Variants in SVEP1 observed in about 807,000 individuals in gnomAD.
The protein encoded by SVEP1 is sushi, von Willebrand factor type A, EGF and pentraxin domain-containing protein 1.
Under a neutral mutation model 367.3 loss-of-function variants are expected in SVEP1, and 164 were observed. The ratio of observed to expected loss-of-function variants is 0.45; its 90% CI spans 0.39 to 0.51. The LOEUF (loss-of-function observed/expected upper bound fraction) is 0.51, where lower values mean the gene tolerates loss of function less well. Among genes scored for constraint, SVEP1 ranks in the 20% least tolerant of loss-of-function variants. The probability of loss-of-function intolerance (pLI) is 0.00; values close to 1 mark genes in which losing one functional copy is unlikely to be tolerated. For missense variants in SVEP1, 4,117 were observed against 4,425.3 expected, an observed-to-expected ratio of 0.93 and a Z score of 1.98; for synonymous variants, 1,666 against 1,611.6, an observed-to-expected ratio of 1.03 and a Z score of -0.81.
intron 3 of SVEP1, 100 bp from the exon 4 acceptor site, chr9:110,514,206 G>C (rs1644149973): frequency 6.8e-7 from 1 of 1,462,162 alleles, no homozygotes; most frequent in African/African-American, 1.4e-5. Flanking sequence ...CCAAACAATA[G>C]TTTTCCATAG....
In SVEP1 at chr9:110,481,340, C is replaced by A. The variant is rs753225446; in HGVS notation, c.2267G>T (p.Gly756Val). 2.3e-5 allele frequency: 37 copies of A among 1,611,204 alleles called. No homozygotes were observed. Among genetic ancestry groups the A allele is most frequent in the Non-Finnish European group, 3.1e-5 (37 of 1,178,694 alleles). The change falls in exon 12 of 48, where the codon GGC becomes GTC. Residue 756 changes from glycine to valine, a missense_variant. By Grantham distance (109) the Gly-to-Val change is moderately radical. Transcript: ENST00000374469. Reference sequence around the variant, plus strand: ...AGTAGACCCTTCTGTGAAATCATAGCCCTCCAAGCAAGTTAATGTACAGTT... The same window carrying A: ...AGTAGACCCTTCTGTGAAATCATAGACCTCCAAGCAAGTTAATGTACAGTT... ...GVNCTLTCLEGYDFTEGSTDK... is the reference protein window; with the variant it reads ...GVNCTLTCLEVYDFTEGSTDK...
At chr9:110,463,851 C>T (rs538177795) in intron 18 of SVEP1, among the ~76,000 whole-genome samples, 36 of 152,132 alleles carry the variant, frequency 2.4e-4, no homozygotes, top group African/African-American at 8.4e-4. Flanking sequence ...TATCCAGCAC[C>T]GCAGAAGAAT....
intron 36 of SVEP1, among the ~76,000 whole-genome samples, chr9:110,424,862 C>A (rs1828228485): frequency 6.6e-6 from 1 of 152,154 alleles, no homozygotes; most frequent in Non-Finnish European, 1.5e-5. Context: ...CTAGTGGAGA[C>A]AGGGTTTCAC....
intron 5 of SVEP1, among the ~76,000 whole-genome samples, chr9:110,510,794 G>A (rs1268435602): frequency 6.6e-6 from 1 of 152,188 alleles, no homozygotes; most frequent in African/African-American, 2.4e-5. Context: ...GGAAGAAGGG[G>A]TAAAGATTTT....
intron 27 of SVEP1, chr9:110,442,742 C>A (rs960135627): frequency 6.6e-6 from 1 of 152,040 alleles, no homozygotes; most frequent in Non-Finnish European, 1.5e-5. Flanking sequence ...GGATTACAGG[C>A]GTGAGCCACC....
chr9:110,447,003 T>G lies in SVEP1; in HGVS notation c.4158A>C (p.Glu1386Asp). Residue 1386 changes from glutamate (E) to aspartate (D), a missense_variant, in exon 25 of 48, where the codon GAA (glutamate) becomes GAC (aspartate). Physicochemically the swap from Glu to Asp is conservative, Grantham distance 45 (BLOSUM62 2). Around this residue, in one of 4 missense-constraint regions of SVEP1, gnomAD observed 2,174 missense variants for 2,494.3 expected, o/e 0.87. Coordinates refer to ENST00000374469, the MANE Select transcript of SVEP1 (RefSeq NM_153366.4). ...TGSHCELNIN[E>D]CQSNPCRNQA... is the part of the protein sequence containing the mutation. ...GATTTCTACATGGATTAGACTGACATTCATTGATGTTCAATTCACAGTGTG... is the reference window on the plus strand; with the variant it reads ...GATTTCTACATGGATTAGACTGACAGTCATTGATGTTCAATTCACAGTGTG... 6.5e-7 allele frequency: 1 copy of G among 1,543,700 alleles called. No individual in the cohort carries two copies. Among genetic ancestry groups the G allele is most frequent in the East Asian group, 2.5e-5 (1 of 40,726 alleles).
intron 27 of SVEP1, among the ~76,000 whole-genome samples, chr9:110,440,820 T>G (rs1426290612): frequency 1.3e-5 from 2 of 152,142 alleles, no homozygotes; most frequent in African/African-American, 4.8e-5. Flanking sequence ...CCATTCTGAG[T>G]GCTACAGCTT....
intron 1 of SVEP1, among the ~76,000 whole-genome samples, chr9:110,550,478 TTATCTATC>T (rs10550734): frequency 0.037 from 5,565 of 148,912 alleles, 125 homozygotes; most frequent in Non-Finnish European, 0.048. Flanking sequence ...ATTCCACAAA[TTATCTATC>T]TATCTATCTA....
chr9:110,423,847 G>T (rs1199096649), intron 36 of SVEP1, among the ~76,000 whole-genome samples: 2 of 152,116 alleles, frequency 1.3e-5, no homozygotes, highest in Non-Finnish European at 2.9e-5. Context: ...TAAGAAATAT[G>T]CACTTTCAAT....
chr9:110,414,102 G>C (rs1828083536), intron 36 of SVEP1, among the ~76,000 whole-genome samples: 1 of 152,014 alleles, frequency 6.6e-6, no homozygotes, highest in African/African-American at 2.4e-5. Flanking sequence ...AAGAAGGTTA[G>C]ATCATACTTT....
chr9:110,547,299 T>C (rs1830232451), intron 2 of SVEP1, among the ~76,000 whole-genome samples: 1 of 152,194 alleles, frequency 6.6e-6, no homozygotes, highest in African/African-American at 2.4e-5. Context: ...GACTCAGCTC[T>C]GAGACACTGG....
chr9:110,449,916 G>A (rs1001871345), intron 24 of SVEP1, 143 bp downstream of exon 24: 4 of 942,542 alleles, frequency 4.2e-6, no homozygotes, highest in Non-Finnish European at 6.4e-6. Context: ...ATGGCGGTGG[G>A]AATATTCAGC....
intron 45 of SVEP1, 47 bp downstream of exon 45, chr9:110,377,224 C>T: frequency 6.3e-7 from 1 of 1,574,924 alleles, no homozygotes; most frequent in Non-Finnish European, 8.7e-7. Context: ...GTGGGAGCAT[C>T]CAGGCAATTT....
chr9:110,555,980 A>G (rs138052134), intron 1 of SVEP1, among the ~76,000 whole-genome samples: 2 of 152,240 alleles, frequency 1.3e-5, no homozygotes, highest in African/African-American at 2.4e-5. Flanking sequence ...AATAGTTTAC[A>G]TCATCTGCTA....
At chr9:110,396,356 G>A (rs201441098) in intron 40 of SVEP1, among the ~76,000 whole-genome samples, 2 of 151,850 alleles carry the variant, frequency 1.3e-5, no homozygotes, top group African/African-American at 4.8e-5. Flanking sequence ...GCAGTGTGTA[G>A]AGGGAAATTT....
At chr9:110,394,494 T>A (rs1827725557) in intron 40 of SVEP1, among the ~76,000 whole-genome samples, 1 of 152,174 alleles carries the variant, frequency 6.6e-6, no homozygotes, top group South Asian at 2.1e-4. Flanking sequence ...AGAACAAAGC[T>A]GGACAGAGAA....
At chr9:110,373,631 T>TTTTTTTTTTTTTTTTTTTTTTTTTTTG (rs1564121570) in intron 46 of SVEP1, among the ~76,000 whole-genome samples, 1 of 152,078 alleles carries the variant, frequency 6.6e-6, no homozygotes, top group African/African-American at 2.4e-5. Context: ...CCCTATGTTT[T>TTTTTTTTTTTTTTTTTTTTTTTTTTTG]AAGTGGTGGC....
intron 20 of SVEP1, 68 bp from the exon 21 acceptor site, chr9:110,457,420 G>A: frequency 2.3e-6 from 3 of 1,286,288 alleles, no homozygotes; most frequent in Non-Finnish European, 3.3e-6. Context: ...GTCCTGATTA[G>A]AGTCAGGTTT....
At position 110,411,481 on chromosome 9, in the gene SVEP1, C is replaced by T. The variant is rs763024035; in HGVS notation, c.6230G>A (p.Arg2077His). 29 of 1,613,880 alleles carry T rather than the reference C, an allele frequency of 1.8e-5. No individual in the cohort carries two copies. The South Asian group carries it at 2.4e-4, about 13-fold the overall frequency. ...TTTTTCACAGAAATGAGCTATACAA[C>T]GGGGCATGTCTTGACCTTCTGGGGG... ...WVPPEGQDMP[R>H]CIAHFCEKPP... Residue 2077 changes from arginine (R) to histidine (H), a missense_variant, in exon 37 of 48, where the codon CGT (arginine) becomes CAT (histidine). Arg to His is a conservative substitution (Grantham distance 29, BLOSUM62 0). Transcript: ENST00000374469.
Sources: gnomAD v4.1 joint callset for allele counts (sites outside exome capture counted in the v4.1 genomes callset) on GRCh38, gnomAD v4.1.1 for gene constraint, gnomAD v4.1.1 regional missense constraint, MANE v1.5 for transcripts, NCBI Gene and HGNC (gene_info 2026-07-23, HGNC 2026-07-21) for gene names.